Variants in KCNT1 observed in about 807,000 individuals in gnomAD.
The protein encoded by KCNT1 is potassium channel subfamily T member 1.
A neutral mutation model predicts 147.8 loss-of-function variants in KCNT1; 78 were observed. The ratio of observed to expected loss-of-function variants is 0.53; its 90% CI spans 0.44 to 0.64. The LOEUF (loss-of-function observed/expected upper bound fraction) is 0.64. Among genes scored for constraint, KCNT1 ranks in the 30% least tolerant of loss-of-function variants. KCNT1 has a pLI of 0.00. For synonymous variants in KCNT1, 867 were observed against 748.8 expected, an observed-to-expected ratio of 1.16 and a Z score of -2.58; for missense variants, 1,419 against 1,750.3, an observed-to-expected ratio of 0.81 and a Z score of 3.38.
At chr9:135,750,584 A>G (rs778839167) in intron 3 of KCNT1, 6 of 394,906 alleles carry the variant, frequency 1.5e-5, no homozygotes, top group Non-Finnish European at 2.3e-5. Context: ...GCTTGGCATC[A>G]TGCTCCCCCC....
chr9:135,716,728 T>C (rs1835735021), intron 2 of KCNT1, among the ~76,000 whole-genome samples: 1 of 152,088 alleles, frequency 6.6e-6, no homozygotes, highest in Non-Finnish European at 1.5e-5. Flanking sequence ...TGTGTGGCTG[T>C]GTGTGCTAGC....
intron 2 of KCNT1, 42 bp from the exon 3 acceptor site, chr9:135,750,056 C>G: frequency 6.5e-7 from 1 of 1,532,448 alleles, no homozygotes; most frequent in Non-Finnish European, 9.0e-7. Flanking sequence ...AGCCTGAGTC[C>G]CCACTGGCCC....
At position 135,714,700 on chromosome 9, in the gene KCNT1, G is replaced by A. The variant is rs775591834; in HGVS notation, c.234G>A (p.Pro78=). 4 of 1,450,060 alleles carry A rather than the reference G, an allele frequency of 2.8e-6. No homozygotes were observed. The highest frequency in any genetic ancestry group is 1.5e-5 in the African/African-American group (1 of 67,038). 89.8% of individuals were successfully genotyped at this position (1,450,060 alleles called of 1,614,324 possible). ...TCCGGGACCTGCTGCTGGGCGACCC[G>A]TCCTTCCAGAACGACGACAGGTAGG... ...YRFRDLLLGD[P]SFQNDDRVQV... Residue 78 remains proline (P), a synonymous_variant, in exon 2 of 31, where the codon CCG becomes CCA. Transcript: ENST00000371757. The surrounding 1 kb of genome is among the most constrained non-coding windows in gnomAD (Gnocchi z 6.2).
intron 27 of KCNT1, 118 bp downstream of exon 27, chr9:135,785,007 TC>T: frequency 7.0e-7 from 1 of 1,438,636 alleles, no homozygotes. Flanking sequence ...ACCCACAGCA[TC>T]CCCACCTTCA....
At chr9:135,748,922 C>G (rs1242109760) in intron 2 of KCNT1, among the ~76,000 whole-genome samples, 1 of 150,484 alleles carries the variant, frequency 6.6e-6, no homozygotes, top group Non-Finnish European at 1.5e-5. Context: ...CTGATAGGAG[C>G]AGACGTCATG....
In KCNT1 at chr9:135,730,707, C is replaced by T. The variant is rs760674921; in HGVS notation, c.254+15987C>T. On this transcript the variant is annotated intron_variant, in intron 2 of 30. Coordinates refer to ENST00000371757, the MANE Select transcript of KCNT1 (RefSeq NM_020822.3). The surrounding 1 kb of genome is among the most constrained non-coding windows in gnomAD (Gnocchi z 4.7). Reference sequence around the variant, plus strand: ...GTGTGCTTAAAACACTTGTGTTGGCCGGGTACGGTGGCTCACACCTGAAAT... The same window carrying T: ...GTGTGCTTAAAACACTTGTGTTGGCTGGGTACGGTGGCTCACACCTGAAAT... 5.3e-5 allele frequency among the ~76,000 whole-genome samples: 8 copies of T among 152,108 alleles called. No individual in the cohort carries two copies. The highest frequency in any genetic ancestry group is 2.1e-4 in the South Asian group (1 of 4,824).
chr9:135,745,295 T>A lies in KCNT1; in HGVS notation c.255-4803T>A, dbSNP rs186108702. On this transcript the variant is annotated intron_variant, in intron 2 of 30. Transcript: ENST00000371757. ...CTCCCCACGGGAGTTCTCGGTCATC[T>A]CCCACCTCTCAGGGCGTTCCACCGA... Among the ~76,000 whole-genome samples the A allele has an allele frequency of 9.9e-3, 1,501 of 152,146 alleles. 9 individuals are homozygous for A. Among genetic ancestry groups the A allele is most frequent in the Non-Finnish European group, 0.017 (1,175 of 67,960 alleles).
chr9:135,757,230 G>T lies in KCNT1; in HGVS notation c.675G>T (p.Thr225=), dbSNP rs773255063. Residue 225 remains threonine (T), a splice_region_variant and synonymous_variant, in exon 8 of 31, where the codon ACG becomes ACT. Transcript: ENST00000371757. ...TCAACACTCTGCCCTTCATCATCACGGTGGGTGAGCCCCAGCTGCCAGGAG... is the reference window on the plus strand; with the variant it reads ...TCAACACTCTGCCCTTCATCATCACTGTGGGTGAGCCCCAGCTGCCAGGAG... The part of the protein sequence containing the change: ...EMINTLPFII[T]IFWPPLRNLF... 6.2e-7 allele frequency: 1 copy of T among 1,611,900 alleles called. No individual in the cohort carries two copies. The highest frequency in any genetic ancestry group is 8.5e-7 in the Non-Finnish European group (1 of 1,179,718).
chr9:135,768,565 C>T, intron 13 of KCNT1, 45 bp from the exon 14 acceptor site: 1 of 1,514,992 alleles, frequency 6.6e-7, no homozygotes, highest in Non-Finnish European at 9.0e-7. Flanking sequence ...GCTGCACTGC[C>T]CACCTCCCCT....
intron 24 of KCNT1, among the ~76,000 whole-genome samples, chr9:135,782,756 G>A (rs560968736): frequency 1.3e-5 from 2 of 152,320 alleles, no homozygotes; most frequent in African/African-American, 4.8e-5. Flanking sequence ...AAGTTGTTCT[G>A]GAATTTCACG....
Position 135,752,601 on chromosome 9 carries a change from A to ATGGATGGT in KCNT1, c.435-1328_435-1321dup, listed in dbSNP as rs1216024631. ...GGGTGGGAAGATGGGTGGATGATGG[A>ATGGATGGT]TGGATGGTTGGATGGATGGTGGATG... On this transcript the variant is annotated intron_variant, in intron 4 of 30. Coordinates refer to ENST00000371757, the MANE Select transcript of KCNT1 (RefSeq NM_020822.3). This position sits in a 1 kb window ranked among gnomAD's most constrained non-coding sequence, Gnocchi z 5.1. 1 of 353,222 alleles carries ATGGATGGT rather than the reference A, an allele frequency of 2.8e-6. No homozygotes were observed. The highest frequency in any genetic ancestry group is 5.6e-6 in the Non-Finnish European group (1 of 178,000). 21.9% of individuals were successfully genotyped at this position (353,222 alleles called of 1,614,324 possible).
intron 24 of KCNT1, 138 bp downstream of exon 24, chr9:135,779,608 C>T (rs950075903): frequency 3.6e-5 from 24 of 664,548 alleles, no homozygotes; most frequent in East Asian, 2.2e-4. Flanking sequence ...CAGGAGATGG[C>T]GTGGGGGGCC....
At chr9:135,766,036 C>T (rs1225726247) in intron 13 of KCNT1, among the ~76,000 whole-genome samples, 2 of 149,106 alleles carry the variant, frequency 1.3e-5, no homozygotes, top group Admixed American at 6.7e-5. Flanking sequence ...CTGGAGTGAA[C>T]TGTCAAGGGT....
chr9:135,733,140 C>G (rs1023983802), intron 2 of KCNT1, among the ~76,000 whole-genome samples: 3 of 151,894 alleles, frequency 2.0e-5, no homozygotes, highest in Non-Finnish European at 4.4e-5. Context: ...CCAGTTCTTA[C>G]TATGCTTGTT....
chr9:135,713,210 T>C (rs1835575864), intron 1 of KCNT1, among the ~76,000 whole-genome samples: 1 of 152,232 alleles, frequency 6.6e-6, no homozygotes, highest in Non-Finnish European at 1.5e-5. Context: ...CCCCGACCCC[T>C]GGCCACGTGG....
At chr9:135,733,256 G>T (rs1384036106) in intron 2 of KCNT1, among the ~76,000 whole-genome samples, 1 of 49,812 alleles carries the variant, frequency 2.0e-5, no homozygotes, top group Non-Finnish European at 3.7e-5. Context: ...CCCTGCACCT[G>T]CCCCACAACT....
At chr9:135,764,240 G>C (rs1168312174) in intron 11 of KCNT1, among the ~76,000 whole-genome samples, 1 of 152,132 alleles carries the variant, frequency 6.6e-6, no homozygotes, top group Non-Finnish European at 1.5e-5. Context: ...AGGATCGCTT[G>C]AGCCCAGGAG....
chr9:135,784,144 G>A lies in KCNT1; in HGVS notation c.2943+19G>A. On this transcript the variant is annotated intron_variant, in intron 25 of 30. Transcript: ENST00000371757. Reference sequence around the variant, plus strand: ...CTACCAGGTCAGCGGGGAAGCGGCAGCAGGAGGGTGGCGCCTGGGTGGGAC... The same window carrying A: ...CTACCAGGTCAGCGGGGAAGCGGCAACAGGAGGGTGGCGCCTGGGTGGGAC... 6.3e-7 allele frequency: 1 copy of A among 1,590,720 alleles called. No homozygotes were observed. The highest frequency in any genetic ancestry group is 8.5e-7 in the Non-Finnish European group (1 of 1,169,898).
chr9:135,771,309 C>A (rs771146702), intron 18 of KCNT1: 1 of 606,784 alleles, frequency 1.6e-6, no homozygotes, highest in Non-Finnish European at 2.9e-6. Flanking sequence ...GAGACCAGAC[C>A]GGGCAGGGCA....
Sources: gnomAD v4.1 joint callset for allele counts (sites outside exome capture counted in the v4.1 genomes callset) on GRCh38, gnomAD v4.1.1 for gene constraint, Gnocchi (gnomAD v3.1) non-coding constraint, MANE v1.5 for transcripts, NCBI Gene and HGNC (gene_info 2026-07-23, HGNC 2026-07-21) for gene names.